The following FOXN3 variants were observed in gnomAD, a reference collection of about 807,000 sequenced individuals.
FOXN3 encodes forkhead box N3.
In FOXN3, 7 loss-of-function variants were observed where a neutral mutation model predicts 38.4. The ratio of observed to expected loss-of-function variants is 0.18; its 90% confidence interval spans 0.10 to 0.34. The LOEUF is 0.34. Ranked by LOEUF, FOXN3 falls within the 10% of genes least tolerant of loss-of-function variation. FOXN3 has a pLI of 1.00. For missense variants in FOXN3, 456 were observed against 613.4 expected (o/e 0.74, Z 2.71); for synonymous variants, 230 against 242.2 (o/e 0.95, Z 0.47).
chr14:89,483,335 A>C (rs1052500222), intron 1 of FOXN3, among the ~76,000 whole-genome samples: 1 of 152,168 alleles, frequency 6.6e-6, no homozygotes, highest in Non-Finnish European at 1.5e-5. Flanking sequence ...ACTGGATGCA[A>C]GAGAGCTACA....
chr14:89,399,050 G>C (rs928271904), intron 2 of FOXN3, among the ~76,000 whole-genome samples: 1 of 152,144 alleles, frequency 6.6e-6, no homozygotes, highest in Non-Finnish European at 1.5e-5. Flanking sequence ...TTTTTTTGTT[G>C]TTGCAGATAT....
intron 4 of FOXN3, among the ~76,000 whole-genome samples, chr14:89,195,224 CCCTTTGATCTCTCTACCCCACCCCTT>C (rs1183906785): frequency 1.3e-5 from 2 of 152,180 alleles, no homozygotes; most frequent in African/African-American, 4.8e-5. Flanking sequence ...AAACACCCCT[CCCTTTGATCTCTCTACCCCACCCCTT>C]CCTATGAGGA....
At chr14:89,306,334 GCACA>G (rs33940446) in intron 3 of FOXN3, among the ~76,000 whole-genome samples, 4 of 146,742 alleles carry the variant, frequency 2.7e-5, no homozygotes, top group Admixed American at 6.7e-5. Flanking sequence ...ACAGACGCAT[GCACA>G]CACACACACA....
At chr14:89,396,848 A>G (rs1891112324) in intron 2 of FOXN3, among the ~76,000 whole-genome samples, 1 of 151,724 alleles carries the variant, frequency 6.6e-6, no homozygotes, top group Admixed American at 6.6e-5. Context: ...AAAAAAAAAA[A>G]AAACTTAAAA....
chr14:89,404,673 G>GTGAC (rs1891342739), intron 2 of FOXN3, among the ~76,000 whole-genome samples: 1 of 151,932 alleles, frequency 6.6e-6, no homozygotes, highest in African/African-American at 2.4e-5. Context: ...ACCTTCTGAG[G>GTGAC]TGACATAGCC....
intron 4 of FOXN3, among the ~76,000 whole-genome samples, chr14:89,223,862 G>T (rs979806512): frequency 6.9e-6 from 1 of 144,318 alleles, no homozygotes; most frequent in Non-Finnish European, 1.5e-5. Flanking sequence ...CAGGTCTGTA[G>T]AATGAATTCC....
Position 89,487,853 on chromosome 14 carries a change from T to A in FOXN3, c.-14-75363A>T, listed in dbSNP as rs544443116. On this transcript the variant is annotated intron_variant, in intron 1 of 6. Coordinates refer to the FOXN3 transcript ENST00000345097. ...TCTGTTTGGGGTGAGGAGTGGGGGG[T>A]GCCACGAAAGGAAGGCATCATGAAG... Among the ~76,000 whole-genome samples, 3 of 151,588 alleles carry A rather than the reference T, an allele frequency of 2.0e-5. No homozygotes were observed. In the South Asian group the frequency reaches 6.3e-4, roughly 32 times the overall value.
intron 1 of FOXN3, among the ~76,000 whole-genome samples, chr14:89,561,341 T>C (rs1293278851): frequency 6.6e-6 from 1 of 152,224 alleles, no homozygotes; most frequent in African/African-American, 2.4e-5. Flanking sequence ...GCCTCCCAAG[T>C]AGCTGGGATT....
At chr14:89,577,002 T>C (rs757464822) in intron 1 of FOXN3, 3 of 152,208 alleles carry the variant, frequency 2.0e-5, no homozygotes, top group Non-Finnish European at 4.4e-5. Flanking sequence ...AAAAGCGCCC[T>C]GTGCTGAGTA....
In FOXN3 at chr14:89,412,034, A is replaced by C; in HGVS notation, c.443T>G (p.Phe148Cys). ...KDIYNWILEH[F>C]PYFANAPTGW... Reference sequence around the variant, plus strand: ...AGTAGGTGCATTTGCAAAATACGGAAAATGTTCCAAGATCCAGTTGTAGAT... The same window carrying C: ...AGTAGGTGCATTTGCAAAATACGGACAATGTTCCAAGATCCAGTTGTAGAT... Residue 148 changes from phenylalanine (F) to cysteine (C), a missense_variant, in exon 2 of 6, where the codon TTT (phenylalanine) becomes TGT (cysteine). By Grantham distance (205) the Phe-to-Cys change is radical. Coordinates refer to ENST00000557258, the MANE Select transcript of FOXN3 (RefSeq NM_005197.4). This position sits in a 1 kb window ranked among gnomAD's most constrained non-coding sequence, Gnocchi z 4.7. 1 of 1,613,226 alleles carries C rather than the reference A, an allele frequency of 6.2e-7. No homozygotes were observed. Among genetic ancestry groups the C allele is most frequent in the East Asian group, 2.2e-5 (1 of 44,880 alleles).
At chr14:89,284,763 A>T (rs1158832789) in intron 3 of FOXN3, among the ~76,000 whole-genome samples, 1 of 152,228 alleles carries the variant, frequency 6.6e-6, no homozygotes, top group Non-Finnish European at 1.5e-5. Context: ...ACAGGTTAAG[A>T]GGACCTTGCC....
intron 1 of FOXN3, among the ~76,000 whole-genome samples, chr14:89,494,707 G>A (rs1297789198): frequency 6.6e-6 from 1 of 152,220 alleles, no homozygotes; most frequent in African/African-American, 2.4e-5. Context: ...CAAGCTAAGA[G>A]TTGTTCTCCC....
chr14:89,345,643 G>A (rs754447879), intron 3 of FOXN3, among the ~76,000 whole-genome samples: 2 of 149,580 alleles, frequency 1.3e-5, no homozygotes, highest in Middle Eastern at 3.4e-3. Flanking sequence ...ACTCCCCTCC[G>A]AGTCCCCAAA....
At chr14:89,333,737 C>G (rs1266199797) in intron 3 of FOXN3, among the ~76,000 whole-genome samples, 9 of 100,298 alleles carry the variant, frequency 9.0e-5, no homozygotes, top group Non-Finnish European at 1.4e-4. Context: ...TGGGTGAACA[C>G]AGAGAGACTA....
At chr14:89,415,629 A>C (rs1030124233) in intron 1 of FOXN3, among the ~76,000 whole-genome samples, 6 of 149,322 alleles carry the variant, frequency 4.0e-5, no homozygotes, top group Non-Finnish European at 5.9e-5. Flanking sequence ...AAAAAAAAAA[A>C]AACAGTTCCC....
rs1464999085 is a variant in FOXN3, at chr14:89,192,375, TTA to T, written c.746-11571_746-11570del. The stretch of plus-strand genomic sequence containing the variant: ...GTATACAGTTTATATATTAACTATT[TTA>T]TATAAGTTAATATACAAACTACAAA... On this transcript the variant is annotated intron_variant, in intron 4 of 5. Transcript: ENST00000557258. Among the ~76,000 whole-genome samples the T allele has an allele frequency of 2.1e-5, 3 of 145,014 alleles. No homozygotes were observed. The East Asian group carries it at 5.9e-4, about 28-fold the overall frequency.
intron 1 of FOXN3, among the ~76,000 whole-genome samples, chr14:89,490,113 G>A (rs961437028): frequency 3.3e-5 from 5 of 152,178 alleles, no homozygotes; most frequent in Non-Finnish European, 7.3e-5. Context: ...CGCCCAGCTG[G>A]CCCAGTGATA....
intron 3 of FOXN3, among the ~76,000 whole-genome samples, chr14:89,298,293 G>C (rs1019679606): frequency 3.3e-5 from 5 of 152,046 alleles, no homozygotes; most frequent in Admixed American, 1.3e-4. Context: ...AGGGGAACGG[G>C]GGGAGTGGTT....
At chr14:89,381,068 G>A (rs753295475) in intron 2 of FOXN3, among the ~76,000 whole-genome samples, 39 of 146,092 alleles carry the variant, frequency 2.7e-4, no homozygotes, top group Non-Finnish European at 5.1e-4. Flanking sequence ...CCTGAACCCA[G>A]GAAGCAGCGA....
Sources: allele counts gnomAD v4.1 joint callset (sites outside exome capture counted in the v4.1 genomes callset), GRCh38; gene constraint gnomAD v4.1.1; non-coding constraint Gnocchi (gnomAD v3.1); transcripts MANE v1.5; gene names NCBI Gene and HGNC (gene_info 2026-07-23, HGNC 2026-07-21).